The following TFRC variants were observed in gnomAD, a reference collection of about 807,000 sequenced individuals.
TFRC encodes transferrin receptor.
TFRC carries 35 observed loss-of-function variants against 85.8 expected under a neutral mutation model. That is an observed-to-expected ratio of 0.41 (90% CI 0.31 to 0.54). The LOEUF (loss-of-function observed/expected upper bound fraction) is 0.54. TFRC is among the 20% of genes least tolerant of loss of function. The pLI, the probability that TFRC is intolerant of heterozygous loss-of-function variation, is 0.31. For synonymous variants in TFRC, 362 were observed against 328.6 expected (o/e 1.10, Z -1.10); for missense variants, 828 against 921.5 (o/e 0.90, Z 1.31).
intron 2 of TFRC, among the ~76,000 whole-genome samples, chr3:196,076,314 A>G (rs1560091049): frequency 6.7e-6 from 1 of 149,238 alleles, no homozygotes; most frequent in Non-Finnish European, 1.5e-5. Context: ...TTAAAATTTC[A>G]TTTTTTTTTT....
chr3:196,064,498 A>T (rs545210393), intron 10 of TFRC, 70 bp from the exon 11 acceptor site: 6 of 1,452,464 alleles, frequency 4.1e-6, no homozygotes, highest in Admixed American at 2.5e-5. Context: ...GAATTAGCAC[A>T]TCAGTAGAAA....
chr3:196,079,674 G>A (rs1394861066), intron 1 of TFRC, among the ~76,000 whole-genome samples: 1 of 152,174 alleles, frequency 6.6e-6, no homozygotes, highest in African/African-American at 2.4e-5. Flanking sequence ...GTTCTCAATG[G>A]TGACTGAAAA....
rs368537820 is a variant in TFRC at position 196,069,591 on chromosome 3, A to G, written c.688-23T>C. On this transcript the variant is annotated intron_variant, in intron 6 of 18. Coordinates refer to ENST00000360110, the MANE Select transcript of TFRC (RefSeq NM_001128148.3). The stretch of plus-strand genomic sequence containing the variant: ...ACCCTAGAACAAAGACATTAGATTT[A>G]ATGAGCATTATGGTATCGGAACAGC... 4 of 1,409,842 alleles carry G rather than the reference A, an allele frequency of 2.8e-6. No individual in the cohort carries two copies. The African/African-American group carries it at 5.7e-5, about 20-fold the overall frequency. The allele number at this position is 1,409,842 out of a possible 1,614,324, so 87.3% of individuals were successfully genotyped here. A position where few individuals can be genotyped will look rare whatever the true frequency, so the allele number is the denominator to read the frequency against.
chr3:196,067,934 G>T, intron 8 of TFRC, 98 bp downstream of exon 8: 1 of 969,640 alleles, frequency 1.0e-6, no homozygotes, highest in Non-Finnish European at 1.5e-6. Context: ...CCAGAAAAAA[G>T]AGCAGTTAAG....
intron 13 of TFRC, 52 bp downstream of exon 13, chr3:196,062,530 T>A: frequency 1.3e-6 from 2 of 1,528,344 alleles, no homozygotes; most frequent in South Asian, 1.2e-5. Flanking sequence ...CAAAACTCCA[T>A]CTCAAAAAAG....
chr3:196,065,193 C>T (rs1170730344), intron 10 of TFRC, among the ~76,000 whole-genome samples: 13 of 147,966 alleles, frequency 8.8e-5, no homozygotes, highest in African/African-American at 1.5e-4. Context: ...ACCTGGGAGG[C>T]GGAAATTGCA....
At chr3:196,054,410 A>AAAAAAAAAAAAAAAAAAAT (rs1716603424) in intron 17 of TFRC, among the ~76,000 whole-genome samples, 5 of 152,176 alleles carry the variant, frequency 3.3e-5, no homozygotes, top group Non-Finnish European at 7.3e-5. Flanking sequence ...CATCTCTCAA[A>AAAAAAAAAAAAAAAAAAAT]AAAAATAAAA....
intron 7 of TFRC, among the ~76,000 whole-genome samples, chr3:196,068,954 AAATAAC>A (rs890870108): frequency 3.0e-4 from 45 of 151,926 alleles, no homozygotes; most frequent in African/African-American, 1.0e-3. Flanking sequence ...AAGAAAAGAA[AAATAAC>A]AAAAACCCAT....
chr3:196,081,672 C>G (rs952903557), intron 1 of TFRC, among the ~76,000 whole-genome samples: 1 of 152,232 alleles, frequency 6.6e-6, no homozygotes, highest in Non-Finnish European at 1.5e-5. Context: ...ACCCGAAGTC[C>G]CCGGGGCTGA....
intron 9 of TFRC, 76 bp downstream of exon 9, chr3:196,067,441 AT>A: frequency 6.9e-7 from 1 of 1,439,796 alleles, no homozygotes; most frequent in East Asian, 2.4e-5. Flanking sequence ...CATGTTTAAC[AT>A]TTTAATCAAC....
At position 196,058,647 on chromosome 3, in the gene TFRC, A is replaced by G; in HGVS notation, c.1537-15T>C. On this transcript the variant is annotated splice_polypyrimidine_tract_variant and intron_variant, in intron 14 of 18. Transcript: ENST00000360110. ...GGATGCTTCACCTGTAAGATAAGAA[A>G]TTATCATTAAAACTAACCTTTTGGA... The G allele has an allele frequency of 6.2e-7, 1 of 1,600,864 alleles. No individual in the cohort carries two copies. The highest frequency in any genetic ancestry group is 8.5e-7 in the Non-Finnish European group (1 of 1,172,426).
chr3:196,061,589 A>C (rs1438339784), intron 13 of TFRC, among the ~76,000 whole-genome samples: 1 of 152,066 alleles, frequency 6.6e-6, no homozygotes, highest in Non-Finnish European at 1.5e-5. Context: ...TCCCGGGTTC[A>C]AGTGATTCTC....
chr3:196,077,732 A>AC (rs939025039), intron 1 of TFRC, among the ~76,000 whole-genome samples: 2 of 152,112 alleles, frequency 1.3e-5, no homozygotes, highest in Non-Finnish European at 2.9e-5. Flanking sequence ...AGCCTGGAAA[A>AC]CAAGAGCAAA....
intron 1 of TFRC, among the ~76,000 whole-genome samples, chr3:196,078,270 G>A (rs77718471): frequency 3.3e-5 from 5 of 151,958 alleles, no homozygotes; most frequent in African/African-American, 7.3e-5. Context: ...TCCTATATAC[G>A]AGTACACTTA....
In TFRC at chr3:196,077,212, T is replaced by C. The variant is rs1718779777; in HGVS notation, c.-23-90A>G. Reference sequence around the variant, plus strand: ...TACCAGGCTAAATGATACATTAAATTTTTAAAATACATTATCACTTTTCTA... The same window carrying C: ...TACCAGGCTAAATGATACATTAAATCTTTAAAATACATTATCACTTTTCTA... On this transcript the variant is annotated intron_variant, in intron 1 of 18. Coordinates refer to ENST00000360110, the MANE Select transcript of TFRC (RefSeq NM_001128148.3). 3 of 878,106 alleles carry C rather than the reference T, an allele frequency of 3.4e-6. No individual in the cohort carries two copies. In the South Asian group the frequency reaches 5.2e-5, roughly 15 times the overall value. 54.4% of individuals were successfully genotyped at this position (878,106 alleles called of 1,614,324 possible). A position where few individuals can be genotyped will look rare whatever the true frequency, so the allele number is the denominator to read the frequency against.
intron 7 of TFRC, 66 bp downstream of exon 7, chr3:196,069,389 T>C (rs1472086631): frequency 1.1e-6 from 1 of 889,012 alleles, no homozygotes. Context: ...TAACAAGAAA[T>C]ATCACTTACC....
chr3:196,071,702 T>C (rs1359872845), intron 5 of TFRC, among the ~76,000 whole-genome samples: 1 of 152,228 alleles, frequency 6.6e-6, no homozygotes, highest in Non-Finnish European at 1.5e-5. Flanking sequence ...GGCGGGCTGA[T>C]CACCTGAGGT....
rs765735181 is a variant in TFRC, at chr3:196,051,071, C to A, written c.*871G>T. 10 of 213,090 alleles carry A rather than the reference C, an allele frequency of 4.7e-5. No individual in the cohort carries two copies. Among genetic ancestry groups the A allele is most frequent in the Non-Finnish European group, 7.6e-5 (8 of 105,124 alleles). The allele number at this position is 213,090 out of a possible 1,614,324, so 13.2% of individuals were successfully genotyped here. A position where few individuals can be genotyped will look rare whatever the true frequency, so the allele number is the denominator to read the frequency against. ...TCACTGATAAATAAACAATAAATAT[C>A]TCAGTGCCAAAAGGACAGAAAGCTC... On this transcript the variant is annotated 3_prime_UTR_variant, in exon 19 of 19. Coordinates refer to ENST00000360110, the MANE Select transcript of TFRC (RefSeq NM_001128148.3).
At chr3:196,064,014 T>C (rs530558292) in intron 11 of TFRC, among the ~76,000 whole-genome samples, 72 of 152,292 alleles carry the variant, frequency 4.7e-4, no homozygotes, top group African/African-American at 1.6e-3. Context: ...TTCAAATAGA[T>C]TGCTTAGGGA....
Sources: gnomAD v4.1 joint callset for allele counts (sites outside exome capture counted in the v4.1 genomes callset) on GRCh38, gnomAD v4.1.1 for gene constraint, MANE v1.5 for transcripts, NCBI Gene and HGNC (gene_info 2026-07-23, HGNC 2026-07-21) for gene names.